SYN3: variants seen among roughly 807,000 people sequenced by gnomAD.
The protein encoded by SYN3 is synapsin-3.
Under a neutral mutation model 65.8 loss-of-function variants are expected in SYN3, and 35 were observed. That is an observed-to-expected ratio of 0.53 (90% confidence interval 0.41 to 0.70). The LOEUF (loss-of-function observed/expected upper bound fraction) is 0.70, where lower values mean the gene tolerates loss of function less well. Among genes scored for constraint, SYN3 ranks in the 30% least tolerant of loss-of-function variants. The pLI, the probability that SYN3 is intolerant of heterozygous loss-of-function variation, is 0.00. For synonymous variants in SYN3, 270 were observed against 292.9 expected (o/e 0.92, Z 0.80); for missense variants, 680 against 749.0 (o/e 0.91, Z 1.08).
intron 6 of SYN3, among the ~76,000 whole-genome samples, chr22:32,814,042 A>G (rs1009778866): frequency 1.3e-5 from 2 of 151,658 alleles, no homozygotes; most frequent in African/African-American, 4.8e-5. Flanking sequence ...GGCATTCAAT[A>G]AAAGTATCAT....
At chr22:33,026,858 T>A (rs541107156) in intron 1 of SYN3, among the ~76,000 whole-genome samples, 2 of 152,348 alleles carry the variant, frequency 1.3e-5, no homozygotes, top group South Asian at 4.1e-4. Context: ...TGAGAAAACG[T>A]GGCGACTGTA....
chr22:32,710,560 G>C (rs1245220895), intron 6 of SYN3, among the ~76,000 whole-genome samples: 3 of 149,932 alleles, frequency 2.0e-5, no homozygotes, highest in Admixed American at 6.7e-5. Flanking sequence ...TTGAGCCTGG[G>C]AGGCAGAGGT....
At chr22:32,561,172 C>T (rs577954734) in intron 7 of SYN3, among the ~76,000 whole-genome samples, 1 of 152,252 alleles carries the variant, frequency 6.6e-6, no homozygotes, top group East Asian at 1.9e-4. Flanking sequence ...AACAGAGACC[C>T]CTGAAGCCCA....
At chr22:32,691,497 A>G (rs942854184) in intron 6 of SYN3, among the ~76,000 whole-genome samples, 101 of 152,298 alleles carry the variant, frequency 6.6e-4, no homozygotes, top group African/African-American at 2.3e-3. Flanking sequence ...CTTGCCTAAC[A>G]GAAGAGAAAT....
chr22:32,849,305 T>A, intron 6 of SYN3: 1 of 704,810 alleles, frequency 1.4e-6, no homozygotes, highest in Non-Finnish European at 2.5e-6. Flanking sequence ...ATTCCCACTC[T>A]TGTAAACACA....
intron 6 of SYN3, among the ~76,000 whole-genome samples, chr22:32,835,362 G>A (rs1426273580): frequency 6.6e-6 from 1 of 152,140 alleles, no homozygotes; most frequent in Non-Finnish European, 1.5e-5. Context: ...ATGGGGGCAG[G>A]GAAGAAAGAG....
Position 32,569,458 on chromosome 22 carries a change from A to G in SYN3, c.774+27216T>C, listed in dbSNP as rs1466359185. On this transcript the variant is annotated intron_variant, in intron 7 of 13. Transcript: ENST00000358763. ...ATCTATCTATCTATCTTCTCTATCT[A>G]TCTAAAATCTATCAATTGATCTAAA... Among the ~76,000 whole-genome samples, 5 of 148,132 alleles carry G rather than the reference A, an allele frequency of 3.4e-5. No homozygotes were observed. In the Admixed American group the frequency reaches 3.4e-4, roughly 10 times the overall value.
chr22:33,015,799 CAA>C (rs574893483), intron 1 of SYN3, among the ~76,000 whole-genome samples: 132 of 151,234 alleles, frequency 8.7e-4, no homozygotes, highest in African/African-American at 3.0e-3. Flanking sequence ...ATTTTACTGA[CAA>C]GAGAATGCCA....
intron 1 of SYN3, among the ~76,000 whole-genome samples, chr22:33,056,929 G>A (rs752305414): frequency 2.0e-5 from 3 of 152,192 alleles, no homozygotes; most frequent in Non-Finnish European, 2.9e-5. Context: ...TTGAAGATGA[G>A]AAAAGAAGAG....
intron 7 of SYN3, among the ~76,000 whole-genome samples, chr22:32,580,248 G>A (rs552983975): frequency 6.6e-6 from 1 of 152,310 alleles, no homozygotes; most frequent in South Asian, 2.1e-4. Context: ...ACAGCCCATG[G>A]GTTAAGAAGA....
intron 3 of SYN3, 131 bp downstream of exon 3, chr22:32,980,514 A>G: frequency 6.1e-6 from 5 of 815,782 alleles, no homozygotes; most frequent in Non-Finnish European, 8.2e-6. Context: ...ACTCCCAAGT[A>G]TAAGCTTGGA....
intron 6 of SYN3, among the ~76,000 whole-genome samples, chr22:32,852,612 G>A (rs1021368494): frequency 2.6e-5 from 4 of 152,136 alleles, no homozygotes; most frequent in South Asian, 2.1e-4. Flanking sequence ...CTGAGACTCC[G>A]AGCCGCCCTG....
intron 13 of SYN3, among the ~76,000 whole-genome samples, chr22:32,516,806 A>C (rs560774110): frequency 0.02 from 1,176 of 59,948 alleles, 6 homozygotes; most frequent in Non-Finnish European, 0.038. Context: ...AAGTTATTTA[A>C]TCTTTTCTTT....
intron 6 of SYN3, among the ~76,000 whole-genome samples, chr22:32,789,642 T>G (rs1239016233): frequency 2.0e-5 from 3 of 152,244 alleles, no homozygotes; most frequent in Non-Finnish European, 2.9e-5. Flanking sequence ...CTTCCATGTT[T>G]CCTAATTCTG....
intron 6 of SYN3, among the ~76,000 whole-genome samples, chr22:32,713,800 C>T (rs1384185183): frequency 7.0e-6 from 1 of 142,552 alleles, no homozygotes; most frequent in Non-Finnish European, 1.5e-5. Context: ...CAGTGCACTC[C>T]AGCCTAGGTG....
At chr22:32,890,282 C>T (rs992019876) in intron 4 of SYN3, among the ~76,000 whole-genome samples, 1 of 151,488 alleles carries the variant, frequency 6.6e-6, no homozygotes, top group Non-Finnish European at 1.5e-5. Flanking sequence ...CCCATGCTGC[C>T]CAGGCTGGTC....
intron 6 of SYN3, among the ~76,000 whole-genome samples, chr22:32,792,789 T>A (rs1569228352): frequency 6.6e-6 from 1 of 152,106 alleles, no homozygotes; most frequent in African/African-American, 2.4e-5. Context: ...CTCTGAGCAC[T>A]CAACGAGAAC....
chr22:32,723,579 AC>A (rs1645346829), intron 6 of SYN3, among the ~76,000 whole-genome samples: 1 of 152,130 alleles, frequency 6.6e-6, no homozygotes, highest in Admixed American at 6.5e-5. Flanking sequence ...TCTGAAAGTC[AC>A]CCCAAGCCAG....
intron 6 of SYN3, among the ~76,000 whole-genome samples, chr22:32,660,691 T>C (rs1016438879): frequency 1.8e-4 from 28 of 152,230 alleles, no homozygotes; most frequent in African/African-American, 6.8e-4. Context: ...ATTTGCATCA[T>C]TACTTATTTA....
Sources: gnomAD v4.1 joint callset for allele counts (sites outside exome capture counted in the v4.1 genomes callset) on GRCh38, gnomAD v4.1.1 for gene constraint, MANE v1.5 for transcripts, NCBI Gene and HGNC (gene_info 2026-07-23, HGNC 2026-07-21) for gene names.